Variants in PTRH1 observed in about 807,000 individuals in gnomAD.
PTRH1 encodes the protein peptidyl-tRNA hydrolase 1 homolog, also known as peptidyl-tRNA hydrolase.
In PTRH1, 13 loss-of-function variants were observed where a neutral mutation model predicts 15.7. The observed-to-expected ratio is 0.83, with a 90% confidence interval of 0.54 to 1.31. PTRH1 has a LOEUF of 1.31. Ranked by LOEUF, PTRH1 falls within the 40% of genes most tolerant of loss-of-function variation. PTRH1 has a pLI of 0.00. For synonymous variants in PTRH1, 139 were observed against 136.7 expected (o/e 1.02, Z -0.12); for missense variants, 319 against 296.2 (o/e 1.08, Z -0.56).
downstream of PTRH1, among the ~76,000 whole-genome samples, chr9:127,710,295 A>AAC (rs1564365452): frequency 2.0e-4 from 30 of 152,088 alleles, no homozygotes; most frequent in African/African-American, 6.5e-4. Context: ...AAAAAAAAAA[A>AAC]AAAACAAAAC....
downstream of PTRH1, chr9:127,712,641 G>T: frequency 6.2e-7 from 1 of 1,612,568 alleles, no homozygotes; most frequent in South Asian, 1.1e-5. Context: ...ACTGAGGTTG[G>T]AATTTCCTGG....
At chr9:127,701,271 C>A (rs1336840184) in intron 1 of PTRH1, among the ~76,000 whole-genome samples, 1 of 152,170 alleles carries the variant, frequency 6.6e-6, no homozygotes, top group African/African-American at 2.4e-5. Context: ...ATTTATAAAT[C>A]ATGTGATTTT....
chr9:127,707,820 C>G (rs775117728), intron 1 of PTRH1, among the ~76,000 whole-genome samples: 1 of 152,156 alleles, frequency 6.6e-6, no homozygotes, highest in Non-Finnish European at 1.5e-5. Context: ...TGTGAGGCAC[C>G]GCCCCAGTCT....
At chr9:127,711,196 T>C (rs1334387531), downstream of PTRH1, 1 of 1,607,116 alleles carries the variant, frequency 6.2e-7, no homozygotes, top group Non-Finnish European at 8.5e-7. Context: ...GCCCGCTCTG[T>C]CTGACCCCTT....
At chr9:127,712,426 G>T (rs866212213), downstream of PTRH1, 5 of 1,564,188 alleles carry the variant, frequency 3.2e-6, no homozygotes, top group Middle Eastern at 1.9e-4. Flanking sequence ...CAGAGAAGGG[G>T]CTGCCTCAGG....
intron 1 of PTRH1, among the ~76,000 whole-genome samples, chr9:127,704,110 G>A (rs1000775422): frequency 6.6e-6 from 1 of 152,176 alleles, no homozygotes; most frequent in Non-Finnish European, 1.5e-5. Flanking sequence ...AGAGCTGGGG[G>A]GTTAGGGGGA....
At chr9:127,711,831 GCTGA>G (rs750732099), downstream of PTRH1, 41 of 1,568,042 alleles carry the variant, frequency 2.6e-5, no homozygotes, top group Non-Finnish European at 3.2e-5. Flanking sequence ...TCATCCTCAT[GCTGA>G]CTAAGAAGTG....
chr9:127,714,951 C>T, intron 2 of PTRH1, 24 bp downstream of exon 2: 1 of 692,188 alleles, frequency 1.4e-6, no homozygotes, highest in Non-Finnish European at 2.2e-6. Flanking sequence ...GCCCGCCCGC[C>T]CACCCCTGGC....
At chr9:127,699,780 G>A (rs1056626944) in intron 1 of PTRH1, among the ~76,000 whole-genome samples, 5 of 152,070 alleles carry the variant, frequency 3.3e-5, no homozygotes, top group Admixed American at 6.5e-5. Context: ...CTTCCTAGGA[G>A]AACAGGCACT....
At chr9:127,713,691 G>C (rs1269139628), downstream of PTRH1, 2 of 601,080 alleles carry the variant, frequency 3.3e-6, no homozygotes, top group East Asian at 6.1e-5. Context: ...ATTTTTAGTA[G>C]AGACAGGGTT....
chr9:127,709,175 C>G (rs1842708231), downstream of PTRH1, among the ~76,000 whole-genome samples: 1 of 152,256 alleles, frequency 6.6e-6, no homozygotes, highest in African/African-American at 2.4e-5. The surrounding 1 kb of genome is among the most constrained non-coding windows in gnomAD (Gnocchi z 4.7). Context: ...GTAAACATAA[C>G]AAGGCCCTGC....
chr9:127,714,917 C>CCCCCCCCCACCCCCCCCCCCAAT, intron 2 of PTRH1, 58 bp downstream of exon 2: 1 of 799,026 alleles, frequency 1.3e-6, no homozygotes, highest in Non-Finnish European at 2.0e-6. Flanking sequence ...CTCTGGCCCC[C>CCCCCCCCCACCCCCCCCCCCAAT]GCGCCCCAAC....
At chr9:127,695,053 T>TTGATGATGATGATGATGA (rs57076743) in exon 2 of PTRH1, 73 of 671,814 alleles carry the variant, frequency 1.1e-4, no homozygotes, top group African/African-American at 7.6e-4. Context: ...GGCTCAGCCA[T>TTGATGATGATGATGATGA]TGATGATGAT....
chr9:127,695,176 A>T (rs1269758499), intron 1 of PTRH1: 1 of 669,502 alleles, frequency 1.5e-6, no homozygotes, highest in South Asian at 1.6e-5. Flanking sequence ...TCATAAATTT[A>T]AAAAAGCCCA....
At chr9:127,701,457 G>A (rs1842602819) in intron 1 of PTRH1, among the ~76,000 whole-genome samples, 2 of 150,782 alleles carry the variant, frequency 1.3e-5, no homozygotes, top group South Asian at 4.2e-4. Context: ...AATGAATGAA[G>A]GCACTTAATC....
downstream of PTRH1, chr9:127,710,522 A>C (rs1055196822): frequency 7.1e-5 from 108 of 1,512,132 alleles, no homozygotes; most frequent in Non-Finnish European, 8.5e-5. Context: ...CAGGGACCTA[A>C]GGGGCATCTT....
At chr9:127,711,820 A>G, downstream of PTRH1, 2 of 1,563,176 alleles carry the variant, frequency 1.3e-6, no homozygotes, top group Non-Finnish European at 8.7e-7. Context: ...GCACCCGCAG[A>G]TCATCCTCAT....
At chr9:127,707,473 C>T (rs549602080) in intron 1 of PTRH1, among the ~76,000 whole-genome samples, 1 of 152,310 alleles carries the variant, frequency 6.6e-6, no homozygotes, top group East Asian at 1.9e-4. Flanking sequence ...GTCCCCCTGC[C>T]TCACTCCTGC....
chr9:127,697,417 T>TG (rs1842569888), intron 1 of PTRH1, among the ~76,000 whole-genome samples: 1 of 152,112 alleles, frequency 6.6e-6, no homozygotes, highest in Non-Finnish European at 1.5e-5. Context: ...CCCAGCACTT[T>TG]GGGAGGCCGA....
Sources: gnomAD v4.1 joint callset for allele counts (sites outside exome capture counted in the v4.1 genomes callset) on GRCh38, gnomAD v4.1.1 for gene constraint, Gnocchi (gnomAD v3.1) non-coding constraint, MANE v1.5 for transcripts, NCBI Gene and HGNC (gene_info 2026-07-23, HGNC 2026-07-21) for gene names.